Variants in USP45 observed in about 807,000 individuals in gnomAD.
USP45 encodes ubiquitin carboxyl-terminal hydrolase 45.
In USP45, 89 loss-of-function variants were observed where a neutral mutation model predicts 95.8. The ratio of observed to expected loss-of-function variants is 0.93; its 90% CI spans 0.78 to 1.11. The LOEUF (loss-of-function observed/expected upper bound fraction) is 1.11, where lower values mean the gene tolerates loss of function less well. USP45 is among the 50% of genes least tolerant of loss of function. The pLI, the probability that USP45 is intolerant of heterozygous loss-of-function variation, is 0.00. For missense variants in USP45, 898 were observed against 942.5 expected (o/e 0.95, Z 0.62); for synonymous variants, 281 against 316.2 (o/e 0.89, Z 1.18).
intron 2 of USP45, 104 bp from the exon 3 acceptor site, chr6:99,508,886 CAG>C (rs773408252): frequency 4.0e-5 from 39 of 967,910 alleles, no homozygotes; most frequent in Non-Finnish European, 5.5e-5. Context: ...CTAAAAAGCA[CAG>C]AGATTGAACA....
At chr6:99,508,435 T>C (rs1437029984) in intron 3 of USP45, among the ~76,000 whole-genome samples, 175 bp downstream of exon 3, 2 of 152,230 alleles carry the variant, frequency 1.3e-5, no homozygotes, top group South Asian at 2.1e-4. Flanking sequence ...TTTCTGAACA[T>C]AGCATACCTT....
At chr6:99,466,223 T>C (rs1387788097) in intron 11 of USP45, among the ~76,000 whole-genome samples, 1 of 152,206 alleles carries the variant, frequency 6.6e-6, no homozygotes, top group South Asian at 2.1e-4. Flanking sequence ...TTTCACCATG[T>C]TGGCCAGGCT....
chr6:99,467,302 AG>A (rs1425812402), intron 10 of USP45, among the ~76,000 whole-genome samples: 1 of 152,196 alleles, frequency 6.6e-6, no homozygotes, highest in African/African-American at 2.4e-5. Flanking sequence ...TGAGGTTGGG[AG>A]AAAATGGATT....
At chr6:99,484,859 T>A (rs1201730534) in intron 7 of USP45, among the ~76,000 whole-genome samples, 26 of 151,534 alleles carry the variant, frequency 1.7e-4, no homozygotes, top group African/African-American at 5.8e-4. Flanking sequence ...AAAGTCTATT[T>A]TTTTTTAAAG....
Position 99,445,949 on chromosome 6 carries a change from G to T in USP45, c.1823C>A (p.Ser608Tyr). ...TTTAGAAGTAGTTATATAGCTCTGA[G>T]AAAGGGTCTGAAAAGCATTTTGGGG... ...YSPQNAFQTL[S>Y]QSYITTSKEC... Residue 608 changes from serine (S) to tyrosine (Y), a missense_variant, in exon 14 of 18, where the codon TCT (serine) becomes TAT (tyrosine). Ser to Tyr is a moderately radical substitution (Grantham distance 144). Transcript: ENST00000500704. 6.2e-7 allele frequency: 1 copy of T among 1,614,066 alleles called. No individual in the cohort carries two copies. The highest frequency in any genetic ancestry group is 2.2e-5 in the East Asian group (1 of 44,892).
chr6:99,490,274 G>A (rs1196713017), intron 5 of USP45, among the ~76,000 whole-genome samples: 2 of 151,642 alleles, frequency 1.3e-5, no homozygotes, highest in Non-Finnish European at 2.9e-5. Flanking sequence ...AGTGATTCTC[G>A]TGTCTCAGCC....
upstream of USP45, among the ~76,000 whole-genome samples, chr6:99,516,938 A>G (rs976823511): frequency 6.6e-6 from 1 of 152,210 alleles, no homozygotes; most frequent in Non-Finnish European, 1.5e-5. Context: ...TCTTTTCTTC[A>G]TAAGAAAAAA....
intron 9 of USP45, among the ~76,000 whole-genome samples, chr6:99,472,388 G>T (rs1789643812): frequency 6.6e-6 from 1 of 151,898 alleles, no homozygotes; most frequent in South Asian, 2.1e-4. Context: ...GCTAATTTTT[G>T]TATTTTTAGT....
intron 13 of USP45, chr6:99,462,725 A>G: frequency 1.0e-6 from 1 of 991,712 alleles, no homozygotes; most frequent in Non-Finnish European, 1.2e-6. Context: ...CACACCTGCA[A>G]TTCCAGCACT....
chr6:99,470,479 A>C lies in USP45; in HGVS notation c.934-1861T>G, dbSNP rs141670747. On this transcript the variant is annotated intron_variant, in intron 9 of 17. Transcript: ENST00000500704. ...TTCACTGTCCTCAAGCATATTTTGA[A>C]AATTAATACAAGATTCAAAACACTT... Among the ~76,000 whole-genome samples, 264 of 152,350 alleles carry C rather than the reference A, an allele frequency of 1.7e-3. 1 individual carries two copies. The highest frequency in any genetic ancestry group is 6.1e-3 in the African/African-American group (254 of 41,582).
At chr6:99,468,886 C>T (rs1481009068) in intron 9 of USP45, among the ~76,000 whole-genome samples, 1 of 152,062 alleles carries the variant, frequency 6.6e-6, no homozygotes, top group Non-Finnish European at 1.5e-5. Context: ...TATCAGTGTA[C>T]AAAAAGCAAG....
chr6:99,443,690 T>A (rs757552867), intron 14 of USP45, 28 bp from the exon 15 acceptor site: 1 of 1,400,378 alleles, frequency 7.1e-7, no homozygotes, highest in Non-Finnish European at 9.6e-7. Context: ...AATTTATTTA[T>A]AAAATTCCAT....
Position 99,466,734 on chromosome 6 carries a change from A to G in USP45, c.1045T>C (p.Phe349Leu). 5 of 1,613,458 alleles carry G rather than the reference A, an allele frequency of 3.1e-6. No individual in the cohort carries two copies. Among genetic ancestry groups the G allele is most frequent in the Non-Finnish European group, 4.2e-6 (5 of 1,179,682 alleles). ...TCACCAATAAAGATCCGATCTATGA[A>G]GTTCATTTTCACACCTTCTTTTCCA... ...AYGKEGVKMN[F>L]IDRIFIGELT... The change falls in exon 11 of 18, where the codon TTC (phenylalanine) becomes CTC (leucine). Residue 349 changes from phenylalanine (F) to leucine (L), a missense_variant. Transcript: ENST00000500704.
At position 99,476,246 on chromosome 6, in the gene USP45, A is replaced by G; in HGVS notation, c.846-16T>C. The G allele has an allele frequency of 1.9e-6, 3 of 1,608,526 alleles. No homozygotes were observed. Among genetic ancestry groups the G allele is most frequent in the Non-Finnish European group, 2.6e-6 (3 of 1,175,362 alleles). On this transcript the variant is annotated splice_polypyrimidine_tract_variant and intron_variant, in intron 8 of 17. Coordinates refer to ENST00000500704, the MANE Select transcript of USP45 (RefSeq NM_001346022.3). ...TCGAGGTGCCCTGTGATTTAAAAAC[A>G]AAAGAGGAAAGAAAAAAAGAATAAT...
At chr6:99,486,728 T>C (rs1283355066) in intron 7 of USP45, among the ~76,000 whole-genome samples, 1 of 152,000 alleles carries the variant, frequency 6.6e-6, no homozygotes, top group Non-Finnish European at 1.5e-5. Context: ...GGAAAAACAA[T>C]CTAAGATTAC....
At chr6:99,491,500 T>G (rs971211962) in intron 5 of USP45, among the ~76,000 whole-genome samples, 1 of 152,190 alleles carries the variant, frequency 6.6e-6, no homozygotes, top group African/African-American at 2.4e-5. Context: ...AGAGAGAAAT[T>G]AAATCCAAGC....
intron 13 of USP45, among the ~76,000 whole-genome samples, chr6:99,451,667 T>C (rs997082703): frequency 3.9e-5 from 6 of 152,136 alleles, no homozygotes; most frequent in Admixed American, 1.3e-4. Flanking sequence ...CTTCACAGAA[T>C]TGGAAAAAAC....
intron 15 of USP45, among the ~76,000 whole-genome samples, chr6:99,440,360 T>C (rs1045920355): frequency 6.6e-6 from 1 of 152,218 alleles, no homozygotes; most frequent in Non-Finnish European, 1.5e-5. Flanking sequence ...AAATGCTATA[T>C]ATTACATCAA....
chr6:99,484,369 G>A (rs1793306567), intron 7 of USP45, among the ~76,000 whole-genome samples: 1 of 142,754 alleles, frequency 7.0e-6, no homozygotes, highest in African/African-American at 2.7e-5. Flanking sequence ...GGGTAGAGGG[G>A]GGGTCTCACT....
Sources: gnomAD v4.1 joint callset for allele counts (sites outside exome capture counted in the v4.1 genomes callset) on GRCh38, gnomAD v4.1.1 for gene constraint, MANE v1.5 for transcripts, NCBI Gene and HGNC (gene_info 2026-07-23, HGNC 2026-07-21) for gene names.